The following NLRP5 variants were observed in gnomAD, a reference collection of about 807,000 sequenced individuals.
NLRP5 encodes NLR family pyrin domain containing 5, also known as NACHT, LRR and PYD domains-containing protein 5.
NLRP5 carries 93 observed loss-of-function variants against 113.1 expected under a neutral mutation model. The observed-to-expected ratio is 0.82, with a 90% confidence interval of 0.70 to 0.98. The LOEUF (loss-of-function observed/expected upper bound fraction) is 0.98. Ranked by LOEUF, NLRP5 falls within the 50% of genes least tolerant of loss-of-function variation. The pLI is 0.00. For synonymous variants in NLRP5, 751 were observed against 600.7 expected, an observed-to-expected ratio of 1.25 and a Z score of -3.66; for missense variants, 1,808 against 1,514.3, an observed-to-expected ratio of 1.19 and a Z score of -3.22.
Position 56,013,596 on chromosome 19 carries a change from G to GTTTTTTTTTTTTTTT in NLRP5, c.509-2139_509-2125dup, listed in dbSNP as rs71183002. On this transcript the variant is annotated intron_variant, in intron 3 of 14. Coordinates refer to ENST00000390649, the MANE Select transcript of NLRP5 (RefSeq NM_153447.4). Reference sequence around the variant, plus strand: ...CATTTATCACATGATGGACATTTGGGTTTTTTTTTTTTTTTTTTTTTGCTA... The same window carrying GTTTTTTTTTTTTTTT: ...CATTTATCACATGATGGACATTTGGGTTTTTTTTTTTTTTTTTTTTTTTTTTTTTTTTTTTTGCTA... Among the ~76,000 whole-genome samples, 176 of 59,240 alleles carry GTTTTTTTTTTTTTTT rather than the reference G, an allele frequency of 3.0e-3. 18 individuals carry two copies. The highest frequency in any genetic ancestry group is 5.5e-3 in the South Asian group (9 of 1,634). The allele number at this position is 59,240 out of a possible 152,430, so 38.9% of individuals were successfully genotyped here.
chr19:56,024,970 T>C (rs1450674631), intron 6 of NLRP5, among the ~76,000 whole-genome samples: 3 of 152,104 alleles, frequency 2.0e-5, no homozygotes, highest in African/African-American at 4.8e-5. Flanking sequence ...CTGCCTCCTG[T>C]CAGATCGGAT....
chr19:56,023,647 G>A (rs145831399), intron 6 of NLRP5, among the ~76,000 whole-genome samples: 10 of 152,230 alleles, frequency 6.6e-5, no homozygotes, highest in African/African-American at 2.2e-4. Flanking sequence ...TGTAGACATC[G>A]TGTTAGATAT....
upstream of NLRP5, among the ~76,000 whole-genome samples, chr19:55,998,710 G>GTATA (rs1555762445): frequency 2.9e-5 from 2 of 67,838 alleles, no homozygotes; most frequent in African/African-American, 1.6e-4. Flanking sequence ...ATATGTGTGT[G>GTATA]TGTGTATATA....
chr19:56,043,563 T>C (rs1309791607), intron 11 of NLRP5, among the ~76,000 whole-genome samples: 9 of 47,106 alleles, frequency 1.9e-4, no homozygotes, highest in African/African-American at 3.3e-4. Flanking sequence ...TTTTTTTTTT[T>C]TTTTTTTTTT....
intron 12 of NLRP5, among the ~76,000 whole-genome samples, chr19:56,052,991 G>A (rs1191105718): frequency 1.3e-5 from 2 of 152,208 alleles, no homozygotes; most frequent in African/African-American, 2.4e-5. Flanking sequence ...CAGCTACTGG[G>A]GAGGCTGAGG....
chr19:56,034,370 G>A lies in NLRP5; in HGVS notation c.2615+661G>A, dbSNP rs143510529. ...CACTGCACTCCAGCCTGGGCAACAA[G>A]AGCAAAACTCTGTCTCAAAGGAAAA... is the stretch of plus-strand genomic sequence containing the variant. On this transcript the variant is annotated intron_variant, in intron 9 of 14. Coordinates refer to ENST00000390649, the MANE Select transcript of NLRP5 (RefSeq NM_153447.4). 1.5e-3 allele frequency among the ~76,000 whole-genome samples: 230 copies of A among 152,256 alleles called. 2 individuals are homozygous for A. The highest frequency in any genetic ancestry group is 5.4e-3 in the African/African-American group (226 of 41,540).
chr19:56,020,608 G>T (rs145067887), intron 6 of NLRP5, among the ~76,000 whole-genome samples, 177 bp downstream of exon 6: 3,931 of 151,540 alleles, frequency 0.026, 30 homozygotes, highest in African/African-American at 0.09. Context: ...ATAGAGCTAC[G>T]CAAGTTCACT....
At chr19:55,994,766 G>C (rs1434338206), upstream of NLRP5, among the ~76,000 whole-genome samples, 1 of 152,014 alleles carries the variant, frequency 6.6e-6, no homozygotes, top group Non-Finnish European at 1.5e-5. Context: ...TACTCCTATT[G>C]GTCTATTTTT....
rs1983170973 is a variant in NLRP5, at chr19:56,032,745, A to G, written c.2411A>G (p.Lys804Arg). Residue 804 changes from lysine (K) to arginine (R), a missense_variant, in exon 8 of 15, where the codon AAG becomes AGG. Coordinates refer to ENST00000390649, the MANE Select transcript of NLRP5 (RefSeq NM_153447.4). ...CGGGCCATGAAGACCCTGTGTGCCA[A>G]GCTGAGGCATCCCACCTGCAAGATA... is the stretch of plus-strand genomic sequence containing the variant. The G allele has an allele frequency of 1.2e-6, 2 of 1,612,310 alleles. No homozygotes were observed.
rs556236614 is a variant in NLRP5 at position 56,022,429 on chromosome 19, A to G, written c.679+1998A>G. 9.2e-5 allele frequency among the ~76,000 whole-genome samples: 14 copies of G among 152,150 alleles called. No homozygotes were observed. The East Asian group carries it at 2.1e-3, about 23-fold the overall frequency. ...AAAGGAGGGGGCAGGGGGTCTCGCTATGTTGCTCAGTCTGGTCTTGAACTC... is the reference window on the plus strand; with the variant it reads ...AAAGGAGGGGGCAGGGGGTCTCGCTGTGTTGCTCAGTCTGGTCTTGAACTC... On this transcript the variant is annotated intron_variant, in intron 6 of 14. Coordinates refer to ENST00000390649, the MANE Select transcript of NLRP5 (RefSeq NM_153447.4).
intron 1 of NLRP5, among the ~76,000 whole-genome samples, chr19:56,000,765 T>A (rs1487504603): frequency 6.7e-6 from 1 of 148,972 alleles, no homozygotes; most frequent in Non-Finnish European, 1.5e-5. Flanking sequence ...CTCAGCACTT[T>A]GGGAGGCCGA....
At chr19:56,043,919 A>G (rs904513446) in intron 11 of NLRP5, among the ~76,000 whole-genome samples, 6 of 151,554 alleles carry the variant, frequency 4.0e-5, no homozygotes, top group African/African-American at 1.5e-4. Flanking sequence ...CTTTGGTTCA[A>G]TTAGGTCCCA....
At chr19:56,001,744 T>G (rs1167294259) in intron 1 of NLRP5, among the ~76,000 whole-genome samples, 1 of 152,196 alleles carries the variant, frequency 6.6e-6, no homozygotes, top group African/African-American at 2.4e-5. Context: ...TCTGCAAGTT[T>G]AGCTCAAAAA....
intron 1 of NLRP5, among the ~76,000 whole-genome samples, chr19:56,000,804 G>C (rs62123576): frequency 0.19 from 28,103 of 150,902 alleles, 2,758 homozygotes; most frequent in African/African-American, 0.21. Flanking sequence ...TCAAGAGATA[G>C]AGACCATCCT....
chr19:56,013,596 G>GGTCTTTTTTT (rs1555765383), intron 3 of NLRP5, among the ~76,000 whole-genome samples: 1 of 59,284 alleles, frequency 1.7e-5, no homozygotes, highest in Non-Finnish European at 2.9e-5. Flanking sequence ...GGACATTTGG[G>GGTCTTTTTTT]TTTTTTTTTT....
At chr19:56,014,480 A>G (rs1379467487) in intron 3 of NLRP5, among the ~76,000 whole-genome samples, 1 of 14,266 alleles carries the variant, frequency 7.0e-5, no homozygotes, top group African/African-American at 3.5e-4. Flanking sequence ...CTCCATCTCA[A>G]AAAAAAAAAA....
chr19:56,034,857 T>C (rs1369478555), intron 9 of NLRP5, among the ~76,000 whole-genome samples: 1 of 152,206 alleles, frequency 6.6e-6, no homozygotes, highest in African/African-American at 2.4e-5. Flanking sequence ...AGTTTGTGGC[T>C]CTTACTGTGG....
chr19:56,060,583 C>G (rs193219346), intron 14 of NLRP5, among the ~76,000 whole-genome samples: 2 of 152,240 alleles, frequency 1.3e-5, no homozygotes, highest in South Asian at 2.1e-4. Context: ...AACCCTATAA[C>G]ACGACCCGGC....
rs148113702 is a variant in NLRP5 at position 56,006,399 on chromosome 19, A to G, written c.442+2304A>G. 4.2e-3 allele frequency among the ~76,000 whole-genome samples: 638 copies of G among 151,396 alleles called. 15 individuals carry two copies. The highest frequency in any genetic ancestry group is 0.028 in the East Asian group (141 of 5,124). ...TGTAACAAACCTGCACATTGTGCACATGTACCCTAGAACTTAAAGTATAAT... is the reference window on the plus strand; with the variant it reads ...TGTAACAAACCTGCACATTGTGCACGTGTACCCTAGAACTTAAAGTATAAT... On this transcript the variant is annotated intron_variant, in intron 2 of 14. Transcript: ENST00000390649.
Sources: gnomAD v4.1 joint callset for allele counts (sites outside exome capture counted in the v4.1 genomes callset) on GRCh38, gnomAD v4.1.1 for gene constraint, MANE v1.5 for transcripts, NCBI Gene and HGNC (gene_info 2026-07-23, HGNC 2026-07-21) for gene names.